SOHLH1: variants seen among roughly 807,000 people sequenced by gnomAD.
The protein encoded by SOHLH1 is spermatogenesis and oogenesis specific basic helix-loop-helix 1.
Under a neutral mutation model 36.2 loss-of-function variants are expected in SOHLH1, and 23 were observed. The ratio of observed to expected loss-of-function variants is 0.64; its 90% CI spans 0.46 to 0.90. SOHLH1 has a LOEUF of 0.90. Among genes scored for constraint, SOHLH1 ranks in the 40% least tolerant of loss-of-function variants. The probability of loss-of-function intolerance (pLI) is 0.00; values close to 1 mark genes in which losing one functional copy is unlikely to be tolerated. For synonymous variants in SOHLH1, 289 were observed against 228.3 expected (o/e 1.27, Z -2.40); for missense variants, 608 against 517.0 (o/e 1.18, Z -1.71).
intron 4 of SOHLH1, among the ~76,000 whole-genome samples, 180 bp downstream of exon 4, chr9:135,697,326 G>A (rs1343724885): frequency 6.6e-6 from 1 of 152,134 alleles, no homozygotes; most frequent in African/African-American, 2.4e-5. Flanking sequence ...GCTGGAGCTC[G>A]CCCATGTTGG....
At position 135,697,680 on chromosome 9, in the gene SOHLH1, C is replaced by T; in HGVS notation, c.346-53G>A. ...AAGACAGAGACAGTCAGCTGAGAAA[C>T]CCAAGACACGGTGACAAGACTGCTA... On this transcript the variant is annotated intron_variant, in intron 3 of 7. Coordinates refer to ENST00000425225, the MANE Select transcript of SOHLH1 (RefSeq NM_001101677.2). The T allele has an allele frequency of 1.9e-6, 3 of 1,584,662 alleles. No homozygotes were observed. The South Asian group carries it at 3.3e-5, about 18-fold the overall frequency.
At position 135,695,265 on chromosome 9, in the gene SOHLH1, T is replaced by C. The variant is rs1362565589; in HGVS notation, c.662-2A>G. On this transcript the variant is annotated splice_acceptor_variant, in intron 5 of 7. Coordinates refer to ENST00000425225, the MANE Select transcript of SOHLH1 (RefSeq NM_001101677.2). LOFTEE classifies it high-confidence loss of function. ...GCCACGGCACCAGGCTGGAAGGTTC[T>C]GGGAGAGAAGTCAGATGCGGGTCAG... 6.3e-7 allele frequency: 1 copy of C among 1,590,074 alleles called. No homozygotes were observed. Among genetic ancestry groups the C allele is most frequent in the Non-Finnish European group, 8.5e-7 (1 of 1,170,202 alleles).
chr9:135,693,940 G>C, intron 7 of SOHLH1, 126 bp from the exon 8 acceptor site: 1 of 1,443,610 alleles, frequency 6.9e-7, no homozygotes, highest in Non-Finnish European at 9.1e-7. Flanking sequence ...CCGCTGCACA[G>C]AGGCTGTGAT....
Position 135,694,374 on chromosome 9 carries a change from G to A in SOHLH1, c.946+13C>T. The A allele has an allele frequency of 6.2e-7, 1 of 1,612,954 alleles. No individual in the cohort carries two copies. Among genetic ancestry groups the A allele is most frequent in the South Asian group, 1.1e-5 (1 of 91,068 alleles). The stretch of plus-strand genomic sequence containing the variant: ...CGCGGGGGGACCAGCCCTGAACCCA[G>A]GGCCCCACTCACCCGGCCACGAGCT... On this transcript the variant is annotated intron_variant, in intron 7 of 7. Transcript: ENST00000425225.
intron 4 of SOHLH1, 139 bp downstream of exon 4, chr9:135,697,367 G>A (rs1298840063): frequency 1.6e-6 from 2 of 1,288,668 alleles, no homozygotes; most frequent in East Asian, 2.7e-5. Context: ...TGAGTTGGCA[G>A]GGCCCTGGGC....
chr9:135,694,997 A>G, intron 6 of SOHLH1, 53 bp downstream of exon 6: 1 of 1,523,554 alleles, frequency 6.6e-7, no homozygotes, highest in Non-Finnish European at 8.9e-7. Flanking sequence ...ACAGGCTCAC[A>G]CACACATGCT....
intron 3 of SOHLH1, 146 bp from the exon 4 acceptor site, chr9:135,697,773 G>T: frequency 2.0e-6 from 2 of 987,994 alleles, no homozygotes; most frequent in Non-Finnish European, 3.0e-6. Context: ...AGTACAGGTT[G>T]ACAACGAGGC....
At position 135,695,650 on chromosome 9, in the gene SOHLH1, C is replaced by T. The variant is rs117756646; in HGVS notation, c.662-387G>A. On this transcript the variant is annotated intron_variant, in intron 5 of 7. Transcript: ENST00000425225. ...GGGTTTCCGGAGTGCCCTGATGACC[C>T]CAGCTCTGACACCAGCCCTGCCAAC... is the stretch of plus-strand genomic sequence containing the variant. 4.7e-3 allele frequency among the ~76,000 whole-genome samples: 712 copies of T among 152,250 alleles called. 5 individuals are homozygous for T. The highest frequency in any genetic ancestry group is 0.034 in the Middle Eastern group (10 of 294).
In SOHLH1 at chr9:135,699,036, G is replaced by A; in HGVS notation, c.156C>T (p.Ser52=). The change falls in exon 2 of 8, where the codon AGC becomes AGT. Residue 52 remains serine, a synonymous_variant. Coordinates refer to ENST00000425225, the MANE Select transcript of SOHLH1 (RefSeq NM_001101677.2). ...TGATCACGTTCCGCCGAAGGCAGGA[G>A]CTGGGACCCTCGGCCACCGTAGGGG... ...PKAPTVAEGP[S]SCLRRNVISE... 1 of 1,611,612 alleles carries A rather than the reference G, an allele frequency of 6.2e-7. No individual in the cohort carries two copies. Among genetic ancestry groups the A allele is most frequent in the East Asian group, 2.2e-5 (1 of 44,870 alleles).
upstream of SOHLH1, among the ~76,000 whole-genome samples, chr9:135,701,765 G>A (rs966084841): frequency 5.3e-5 from 8 of 151,942 alleles, no homozygotes; most frequent in African/African-American, 1.9e-4. Flanking sequence ...TGTGTTCAAT[G>A]ACCAGTGTTG....
chr9:135,695,081 T>C lies in SOHLH1; in HGVS notation c.844A>G (p.Lys282Glu), dbSNP rs757961881. The change falls in exon 6 of 8, where the codon AAG becomes GAG. Residue 282 changes from lysine (K) to glutamate (E), a missense_variant. By Grantham distance (56) the Lys-to-Glu change is moderately conservative. Coordinates refer to ENST00000425225, the MANE Select transcript of SOHLH1 (RefSeq NM_001101677.2). ...MGAAPLGEPA[K>E]EDPMLAQEAG... ...TCCTGCGCCAGCATGGGGTCCTCCT[T>C]GGCTGGCTCCCCCAGAGGTGCAGCC... 4.4e-6 allele frequency: 7 copies of C among 1,598,318 alleles called. No homozygotes were observed. The highest frequency in any genetic ancestry group is 2.3e-5 in the East Asian group (1 of 44,166).
In SOHLH1 at chr9:135,698,386, C is replaced by A; in HGVS notation, c.288G>T (p.Met96Ile). Residue 96 changes from methionine (M) to isoleucine (I), a missense_variant, in exon 3 of 8, where the codon ATG becomes ATT. By Grantham distance (10) the Met-to-Ile change is conservative. Transcript: ENST00000425225. ...TGGCAAGCCGCAGGAACTGCACAGACATCTCCAGGACCGAGGCCATGTCCT... is the reference window on the plus strand; with the variant it reads ...TGGCAAGCCGCAGGAACTGCACAGAAATCTCCAGGACCGAGGCCATGTCCT... ...RREDMASVLE[M>I]SVQFLRLASA... 2 of 1,613,142 alleles carry A rather than the reference C, an allele frequency of 1.2e-6. No homozygotes were observed. The highest frequency in any genetic ancestry group is 1.7e-6 in the Non-Finnish European group (2 of 1,180,036).
intron 4 of SOHLH1, among the ~76,000 whole-genome samples, chr9:135,697,106 C>T (rs867499039): frequency 7.2e-5 from 11 of 152,334 alleles, no homozygotes; most frequent in Admixed American, 5.2e-4. Context: ...TGCAGACAGT[C>T]CTTCAACCTG....
chr9:135,702,053 C>T, upstream of SOHLH1: 1 of 530,198 alleles, frequency 1.9e-6, no homozygotes, highest in South Asian at 2.3e-5. Flanking sequence ...GCACCCCCGT[C>T]CCAGCCTGGG....
At chr9:135,700,952 G>C (rs541682795), upstream of SOHLH1, among the ~76,000 whole-genome samples, 14 of 152,206 alleles carry the variant, frequency 9.2e-5, no homozygotes, top group Non-Finnish European at 2.1e-4. Context: ...CTCTCCTGCC[G>C]TTGACAACAC....
At chr9:135,701,876 G>A (rs1835045298), upstream of SOHLH1, among the ~76,000 whole-genome samples, 1 of 152,222 alleles carries the variant, frequency 6.6e-6, no homozygotes, top group African/African-American at 2.4e-5. Flanking sequence ...TGCCCGCCAA[G>A]GACCCAGAGC....
chr9:135,693,877 G>T, intron 7 of SOHLH1, 63 bp from the exon 8 acceptor site: 1 of 1,510,500 alleles, frequency 6.6e-7, no homozygotes, highest in Non-Finnish European at 8.9e-7. Context: ...AGGCAGACAG[G>T]TGGGGTCGGA....
At chr9:135,700,077 A>G (rs771957394), upstream of SOHLH1, among the ~76,000 whole-genome samples, 1 of 152,044 alleles carries the variant, frequency 6.6e-6, no homozygotes, top group Non-Finnish European at 1.5e-5. Flanking sequence ...TCCCCACCCC[A>G]GGCCACCATC....
Position 135,698,419 on chromosome 9 carries a change from G to A in SOHLH1, c.255C>T (p.Gly85=). The A allele has an allele frequency of 3.7e-6, 6 of 1,613,194 alleles. No individual in the cohort carries two copies. The highest frequency in any genetic ancestry group is 5.1e-6 in the Non-Finnish European group (6 of 1,180,030). The part of the protein sequence containing the change: ...RLRALLPQFD[G]RREDMASVLE... Reference sequence around the variant, plus strand: ...GGACCGAGGCCATGTCCTCCCGCCGGCCATCGAACTGGGGCAGCAGGGCCC... The same window carrying A: ...GGACCGAGGCCATGTCCTCCCGCCGACCATCGAACTGGGGCAGCAGGGCCC... The change falls in exon 3 of 8, where the codon GGC becomes GGT. Residue 85 remains glycine (G), a synonymous_variant. Transcript: ENST00000425225.
Sources: allele counts gnomAD v4.1 joint callset (sites outside exome capture counted in the v4.1 genomes callset), GRCh38; gene constraint gnomAD v4.1.1; transcripts MANE v1.5; gene names NCBI Gene and HGNC (gene_info 2026-07-23, HGNC 2026-07-21).